C6orf132: variants seen among roughly 807,000 people sequenced by gnomAD.
C6orf132 encodes the protein chromosome 6 open reading frame 132, also known as uncharacterized protein C6orf132.
A neutral mutation model predicts 65.3 loss-of-function variants in C6orf132; 43 were observed. The ratio of observed to expected loss-of-function variants is 0.66; its 90% CI spans 0.52 to 0.85. The LOEUF (loss-of-function observed/expected upper bound fraction) is 0.85. Ranked by LOEUF, C6orf132 falls within the 40% of genes least tolerant of loss-of-function variation. The pLI is 0.00. For synonymous variants in C6orf132, 631 were observed against 654.1 expected (o/e 0.96, Z 0.54); for missense variants, 1,488 against 1,548.8 (o/e 0.96, Z 0.66).
rs1766417993 is a variant in C6orf132, at chr6:42,106,830, T to C, written c.1082A>G (p.Asp361Gly). The part of the protein sequence containing the change: ...QVYPDRAPEP[D>G]CPGELKATAP... The stretch of plus-strand genomic sequence containing the variant: ...TGTGGCCTTGAGCTCCCCAGGGCAG[T>C]CTGGCTCGGGGGCCCTGTCTGGGTA... The change falls in exon 4 of 5, where the codon GAC (aspartate) becomes GGC (glycine). Residue 361 changes from aspartate to glycine, a missense_variant. Asp to Gly is a moderately conservative substitution (Grantham distance 94, BLOSUM62 -1). Transcript: ENST00000341865. The C allele has an allele frequency of 6.5e-7, 1 of 1,534,974 alleles. No individual in the cohort carries two copies. Among genetic ancestry groups the C allele is most frequent in the African/African-American group, 1.4e-5 (1 of 72,650 alleles).
chr6:42,103,692 C>T lies in C6orf132; in HGVS notation c.*69G>A. On this transcript the variant is annotated 3_prime_UTR_variant, in exon 5 of 5. Coordinates refer to ENST00000341865, the MANE Select transcript of C6orf132 (RefSeq NM_001164446.3). ...ACACCTGCTGTGTACCTCCCACCCC[C>T]CACAAGAAACAAGTGCCCAGATCCT... The T allele has an allele frequency of 1.9e-6, 2 of 1,061,504 alleles. No homozygotes were observed. The highest frequency in any genetic ancestry group is 2.5e-6 in the Non-Finnish European group (2 of 810,570). 65.8% of individuals were successfully genotyped at this position (1,061,504 alleles called of 1,614,324 possible).
rs1223052322 is a variant in C6orf132 at position 42,104,186 on chromosome 6, T to C, written c.3449+277A>G. Among the ~76,000 whole-genome samples the C allele has an allele frequency of 1.3e-5, 2 of 151,938 alleles. No individual in the cohort carries two copies. Among genetic ancestry groups the C allele is most frequent in the East Asian group, 1.9e-4 (1 of 5,162 alleles). On this transcript the variant is annotated intron_variant, in intron 4 of 4. Transcript: ENST00000341865. The surrounding 1 kb of genome is among the most constrained non-coding windows in gnomAD (Gnocchi z 4.1). ...TCCACCCAAGGGCCACTCAGATCTC[T>C]CCCCGCCCCACACTTAGCCTGACCT...
rs1766504376 is a variant in C6orf132 at position 42,112,085 on chromosome 6, G to C, written c.253-1794C>G. ...CCATGATGCTGGGCATTGGTCAGCTGTACCTGTCATTCCCACTCTCCATTT... is the reference window on the plus strand; with the variant it reads ...CCATGATGCTGGGCATTGGTCAGCTCTACCTGTCATTCCCACTCTCCATTT... On this transcript the variant is annotated intron_variant, in intron 2 of 4. Transcript: ENST00000341865. 2.6e-5 allele frequency among the ~76,000 whole-genome samples: 4 copies of C among 152,150 alleles called. No homozygotes were observed. In the South Asian group the frequency reaches 8.3e-4, roughly 32 times the overall value.
Position 42,128,669 on chromosome 6 carries a change from C to CA in C6orf132, c.252+2dup, listed in dbSNP as rs1365935656. 1 of 1,550,292 alleles carries CA rather than the reference C, an allele frequency of 6.5e-7. No individual in the cohort carries two copies. The highest frequency in any genetic ancestry group is 8.7e-7 in the Non-Finnish European group (1 of 1,146,268). ...TCCAACCTCAGAGCAGAACCGTACTCACCAGCGGAAGGAAGGTCAGCAGGG... is the reference window on the plus strand; with the variant it reads ...TCCAACCTCAGAGCAGAACCGTACTCAACCAGCGGAAGGAAGGTCAGCAGGG... On this transcript the variant is annotated splice_region_variant and intron_variant, in intron 2 of 4. Coordinates refer to ENST00000341865, the MANE Select transcript of C6orf132 (RefSeq NM_001164446.3).
chr6:42,139,690 GTTTT>G (rs564969799), intron 1 of C6orf132, among the ~76,000 whole-genome samples: 40 of 151,686 alleles, frequency 2.6e-4, no homozygotes, highest in African/African-American at 9.4e-4. Context: ...TTTTTTTTGC[GTTTT>G]TTTGTTTTGT....
rs1336889912 is a variant in C6orf132, at chr6:42,106,642, C to T, written c.1270G>A (p.Ala424Thr). Residue 424 changes from alanine (A) to threonine (T), a missense_variant, in exon 4 of 5, where the codon GCC (alanine) becomes ACC (threonine). Coordinates refer to ENST00000341865, the MANE Select transcript of C6orf132 (RefSeq NM_001164446.3). Reference protein sequence around the residue: ...APPLPCAQKAAHPPAGFTKTP... With the variant: ...APPLPCAQKATHPPAGFTKTP... ...TTTGTAAACCCAGCAGGTGGATGGG[C>T]TGCCTTCTGAGCACAGGGCAAAGGA... 1 of 1,532,060 alleles carries T rather than the reference C, an allele frequency of 6.5e-7. No homozygotes were observed. The allele number at this position is 1,532,060 out of a possible 1,614,324, so 94.9% of individuals were successfully genotyped here.
intron 2 of C6orf132, among the ~76,000 whole-genome samples, chr6:42,115,801 CCT>C (rs1399023351): frequency 5.9e-5 from 9 of 151,922 alleles, no homozygotes; most frequent in Non-Finnish European, 1.3e-4. Flanking sequence ...CTAGACATCA[CCT>C]CTTTCTTCCA....
At chr6:42,122,318 A>G (rs1443077866) in intron 2 of C6orf132, among the ~76,000 whole-genome samples, 1 of 152,176 alleles carries the variant, frequency 6.6e-6, no homozygotes, top group Non-Finnish European at 1.5e-5. Context: ...AGGGCGCACC[A>G]CGTCCCTGGA....
In C6orf132 at chr6:42,105,463, C is replaced by A. The variant is rs762238354; in HGVS notation, c.2449G>T (p.Ala817Ser). 6.5e-7 allele frequency: 1 copy of A among 1,534,154 alleles called. No individual in the cohort carries two copies. Among genetic ancestry groups the A allele is most frequent in the Non-Finnish European group, 8.7e-7 (1 of 1,145,394 alleles). ...CTGAGGAGTTCATCAGTGGGCTGGG[C>A]CGAGGCAGGAGGCTTGGCTGGCAGC... The part of the protein sequence containing the change: ...PGLPAKPPAS[A>S]QPTDELLRHP... The change falls in exon 4 of 5, where the codon GCC (alanine) becomes TCC (serine). Residue 817 changes from alanine (A) to serine (S), a missense_variant. Transcript: ENST00000341865.
At chr6:42,141,168 G>A (rs555987971) in intron 1 of C6orf132, among the ~76,000 whole-genome samples, 2 of 152,278 alleles carry the variant, frequency 1.3e-5, no homozygotes, top group South Asian at 2.1e-4. Flanking sequence ...CACTTTGTCC[G>A]TCCTGCTCCT....
chr6:42,107,212 G>A lies in C6orf132; in HGVS notation c.700C>T (p.Pro234Ser). Reference protein sequence around the residue: ...LAPPPPPVPAPAPPAPASPHT... With the variant: ...LAPPPPPVPASAPPAPASPHT... Reference sequence around the variant, plus strand: ...GGAGATGCTGGAGCTGGGGGTGCTGGGGCTGGCACAGGAGGCGGTGGGGGG... The same window carrying A: ...GGAGATGCTGGAGCTGGGGGTGCTGAGGCTGGCACAGGAGGCGGTGGGGGG... The change falls in exon 4 of 5, where the codon CCA (proline) becomes TCA (serine). Residue 234 changes from proline (P) to serine (S), a missense_variant. Physicochemically the swap from Pro to Ser is moderately conservative, Grantham distance 74. Coordinates refer to ENST00000341865, the MANE Select transcript of C6orf132 (RefSeq NM_001164446.3). The A allele has an allele frequency of 7.0e-7, 1 of 1,426,566 alleles. No homozygotes were observed. The highest frequency in any genetic ancestry group is 1.5e-5 in the South Asian group (1 of 66,248). The allele number at this position is 1,426,566 out of a possible 1,614,324, so 88.4% of individuals were successfully genotyped here.
In C6orf132 at chr6:42,103,786, C is replaced by A; in HGVS notation, c.3542G>T (p.Gly1181Val). Residue 1181 changes from glycine (G) to valine (V), a missense_variant, in exon 5 of 5, where the codon GGG becomes GTG. Physicochemically the swap from Gly to Val is moderately radical, Grantham distance 109. Coordinates refer to ENST00000341865, the MANE Select transcript of C6orf132 (RefSeq NM_001164446.3). ...TCAGGAGGTGGCTTTCCGATGGGCC[C>A]CTGAGCAGACATAGGAGATGGGATG... is the stretch of plus-strand genomic sequence containing the variant. ...TRHPISYVCS[G>V]AHRKATS 6.8e-7 allele frequency: 1 copy of A among 1,462,690 alleles called. No individual in the cohort carries two copies. Among genetic ancestry groups the A allele is most frequent in the Non-Finnish European group, 9.0e-7 (1 of 1,108,762 alleles). 90.6% of individuals were successfully genotyped at this position (1,462,690 alleles called of 1,614,324 possible).
chr6:42,142,410 C>T lies in C6orf132; in HGVS notation c.35G>A (p.Ser12Asn), dbSNP rs1181652771. The T allele has an allele frequency of 1.0e-5, 16 of 1,551,344 alleles. No individual in the cohort carries two copies. Among genetic ancestry groups the T allele is most frequent in the Non-Finnish European group, 1.4e-5 (16 of 1,146,862 alleles). ...GGTGTGCTTCTTCCCGAAGAGTTTG[C>T]TGAAGGTGCCCTGCACCGTCTGCTT... ...KKKQTVQGTF[S>N]KLFGKKHTTT... The change falls in exon 1 of 5, where the codon AGC becomes AAC. Residue 12 changes from serine (S) to asparagine (N), a missense_variant. Transcript: ENST00000341865.
At position 42,103,698 on chromosome 6, in the gene C6orf132, G is replaced by A. The variant is rs763426509; in HGVS notation, c.*63C>T. Reference sequence around the variant, plus strand: ...GCTGTGTACCTCCCACCCCCCACAAGAAACAAGTGCCCAGATCCTTAAAGA... The same window carrying A: ...GCTGTGTACCTCCCACCCCCCACAAAAAACAAGTGCCCAGATCCTTAAAGA... On this transcript the variant is annotated 3_prime_UTR_variant, in exon 5 of 5. Transcript: ENST00000341865. 3.8e-4 allele frequency: 421 copies of A among 1,113,826 alleles called. No individual in the cohort carries two copies. Among genetic ancestry groups the A allele is most frequent in the Admixed American group, 2.0e-3 (50 of 24,430 alleles). The allele number at this position is 1,113,826 out of a possible 1,614,324, so 69.0% of individuals were successfully genotyped here.
At position 42,103,707 on chromosome 6, in the gene C6orf132, G is replaced by T. The variant is rs1766335741; in HGVS notation, c.*54C>A. On this transcript the variant is annotated 3_prime_UTR_variant, in exon 5 of 5. Transcript: ENST00000341865. ...CTCCCACCCCCCACAAGAAACAAGT[G>T]CCCAGATCCTTAAAGACACAGTTTG... 1 of 1,161,444 alleles carries T rather than the reference G, an allele frequency of 8.6e-7. No homozygotes were observed. The highest frequency in any genetic ancestry group is 1.1e-6 in the Non-Finnish European group (1 of 899,064). The allele number at this position is 1,161,444 out of a possible 1,614,324, so 71.9% of individuals were successfully genotyped here. A position where few individuals can be genotyped will look rare whatever the true frequency, so the allele number is the denominator to read the frequency against.
chr6:42,139,677 G>GT lies in C6orf132; in HGVS notation c.145+2622_145+2623insA, dbSNP rs111544218. On this transcript the variant is annotated intron_variant, in intron 1 of 4. Coordinates refer to ENST00000341865, the MANE Select transcript of C6orf132 (RefSeq NM_001164446.3). ...TGAACTTTCTTAAAATATTATGAGG[G>GT]GTTTTTTTTTGCGTTTTTTTGTTTT... Among the ~76,000 whole-genome samples, 1,260 of 151,446 alleles carry GT rather than the reference G, an allele frequency of 8.3e-3. 20 individuals are homozygous for GT. The highest frequency in any genetic ancestry group is 0.027 in the African/African-American group (1,132 of 41,174).
Position 42,105,412 on chromosome 6 carries a change from C to T in C6orf132, c.2500G>A (p.Glu834Lys). 5 of 1,535,514 alleles carry T rather than the reference C, an allele frequency of 3.3e-6. No individual in the cohort carries two copies. Among genetic ancestry groups the T allele is most frequent in the Non-Finnish European group, 4.4e-6 (5 of 1,146,218 alleles). Residue 834 changes from glutamate to lysine, a missense_variant, in exon 4 of 5, where the codon GAG (glutamate) becomes AAG (lysine). Coordinates refer to ENST00000341865, the MANE Select transcript of C6orf132 (RefSeq NM_001164446.3). The stretch of plus-strand genomic sequence containing the variant: ...AGCAGGGCCATCGGCGAGCCCCGCT[C>T]CACCACCTCCCCAGTCACCGGGTGC... The part of the protein sequence containing the change: ...LRHPVTGEVV[E>K]RGSPMALLLA...
intron 1 of C6orf132, among the ~76,000 whole-genome samples, chr6:42,130,189 C>T (rs572142895): frequency 1.1e-4 from 17 of 152,362 alleles, no homozygotes; most frequent in African/African-American, 2.6e-4. Flanking sequence ...CCGTGTGCTC[C>T]GCACGTCCCT....
intron 3 of C6orf132, 81 bp from the exon 4 acceptor site, chr6:42,107,664 C>T (rs928498113): frequency 1.9e-5 from 28 of 1,501,540 alleles, no homozygotes; most frequent in Non-Finnish European, 2.3e-5. Context: ...AGGGCAGGGG[C>T]AGGGGTGGGC....
Sources: gnomAD v4.1 joint callset for allele counts (sites outside exome capture counted in the v4.1 genomes callset) on GRCh38, gnomAD v4.1.1 for gene constraint, Gnocchi (gnomAD v3.1) non-coding constraint, MANE v1.5 for transcripts, NCBI Gene and HGNC (gene_info 2026-07-23, HGNC 2026-07-21) for gene names.